The following DRC8 variants were observed in gnomAD, a reference collection of about 807,000 sequenced individuals.
DRC8 encodes the protein dynein regulatory complex protein 8.
the DRC8 span, chr1:245,017,245 T>G: frequency 1.9e-6 from 3 of 1,604,852 alleles, no homozygotes; most frequent in Non-Finnish European, 2.5e-6. Context: ...TTTGCAGAGA[T>G]AATAGTAGCA....
At chr1:244,992,684 G>A in the DRC8 span, among the ~76,000 whole-genome samples, 1 of 152,158 alleles carries the variant, frequency 6.6e-6, no homozygotes, top group Non-Finnish European at 1.5e-5. Flanking sequence ...AGGTTGCAGT[G>A]AGCCGAGATT....
chr1:244,993,942 A>G, the DRC8 span, among the ~76,000 whole-genome samples: 4 of 140,614 alleles, frequency 2.8e-5, no homozygotes, highest in East Asian at 8.3e-4. Flanking sequence ...CTTTGGGGAT[A>G]CATTTTTTTT....
chr1:244,976,305 A>G, the DRC8 span, among the ~76,000 whole-genome samples: 1 of 81,588 alleles, frequency 1.2e-5, no homozygotes, highest in African/African-American at 3.0e-5. Context: ...GAGTTAAGAA[A>G]ACTTTTAAGT....
the DRC8 span, chr1:244,969,841 T>G: frequency 2.6e-6 from 1 of 388,712 alleles, no homozygotes. Flanking sequence ...GGCGCGGCCG[T>G]TCTGCAGCAG....
the DRC8 span, among the ~76,000 whole-genome samples, chr1:245,037,572 G>C: frequency 6.6e-6 from 1 of 152,082 alleles, no homozygotes; most frequent in Non-Finnish European, 1.5e-5. Context: ...ATAAGATAAA[G>C]ATATCCGCAT....
chr1:245,110,865 GA>G, the DRC8 span, among the ~76,000 whole-genome samples: 1 of 152,204 alleles, frequency 6.6e-6, no homozygotes, highest in East Asian at 1.9e-4. Flanking sequence ...CCAACAGCCA[GA>G]AGGGTTTGCT....
chr1:244,994,919 C>G, the DRC8 span, among the ~76,000 whole-genome samples: 1 of 152,146 alleles, frequency 6.6e-6, no homozygotes, highest in Non-Finnish European at 1.5e-5. Context: ...TAAATTTGAT[C>G]TTTAAGAAGC....
chr1:245,095,619 T>C, the DRC8 span, among the ~76,000 whole-genome samples: 1 of 152,134 alleles, frequency 6.6e-6, no homozygotes, highest in Non-Finnish European at 1.5e-5. Context: ...AGCCTCGAAC[T>C]CCTGGCCTCA....
chr1:245,102,516 G>A, the DRC8 span, among the ~76,000 whole-genome samples: 71 of 152,212 alleles, frequency 4.7e-4, no homozygotes, highest in African/African-American at 1.7e-3. Flanking sequence ...CTCCTGGCTA[G>A]TTTTTGTATC....
the DRC8 span, among the ~76,000 whole-genome samples, chr1:245,084,063 C>A: frequency 3.8e-5 from 1 of 26,250 alleles, no homozygotes; most frequent in Non-Finnish European, 1.0e-4. Context: ...AAAAATTCCG[C>A]CCCCCCCCCG....
chr1:245,088,037 C>CAA, the DRC8 span, among the ~76,000 whole-genome samples: 2 of 152,150 alleles, frequency 1.3e-5, no homozygotes, highest in African/African-American at 4.8e-5. This position sits in a 1 kb window ranked among gnomAD's most constrained non-coding sequence, Gnocchi z 4.6. Flanking sequence ...TTAGAATTCT[C>CAA]ACCCACTCCG....
At chr1:245,011,151 G>A in the DRC8 span, among the ~76,000 whole-genome samples, 1 of 152,080 alleles carries the variant, frequency 6.6e-6, no homozygotes, top group Non-Finnish European at 1.5e-5. Context: ...TAGCCTGAAG[G>A]TAATTTTATG....
the DRC8 span, among the ~76,000 whole-genome samples, chr1:245,080,801 A>G: frequency 6.6e-6 from 1 of 152,164 alleles, no homozygotes; most frequent in Non-Finnish European, 1.5e-5. Context: ...TGAGACCGTC[A>G]CTGATTTCCC....
At chr1:245,010,310 A>G in the DRC8 span, among the ~76,000 whole-genome samples, 1 of 152,220 alleles carries the variant, frequency 6.6e-6, no homozygotes, top group Non-Finnish European at 1.5e-5. Flanking sequence ...AGTTTGAAGT[A>G]GTTGCACACT....
At chr1:245,071,415 A>G in the DRC8 span, among the ~76,000 whole-genome samples, 1 of 152,244 alleles carries the variant, frequency 6.6e-6, no homozygotes, top group African/African-American at 2.4e-5. Context: ...GGTCACAGAC[A>G]TAAATGAGGG....
the DRC8 span, among the ~76,000 whole-genome samples, chr1:245,102,520 TTG>T: frequency 5.3e-5 from 8 of 152,194 alleles, no homozygotes; most frequent in Admixed American, 4.6e-4. Context: ...TGGCTAGTTT[TTG>T]TATCTTTAGT....
At chr1:244,977,137 GA>G in the DRC8 span, among the ~76,000 whole-genome samples, 1 of 152,294 alleles carries the variant, frequency 6.6e-6, no homozygotes. Flanking sequence ...GCTGTGGGGA[GA>G]GGAGAATGGG....
the DRC8 span, among the ~76,000 whole-genome samples, chr1:245,112,710 A>G: frequency 6.6e-6 from 1 of 151,804 alleles, no homozygotes; most frequent in Non-Finnish European, 1.5e-5. Context: ...CCAAATGGAA[A>G]TTCCATACTC....
chr1:245,010,774 C>T, the DRC8 span, among the ~76,000 whole-genome samples: 16 of 149,360 alleles, frequency 1.1e-4, no homozygotes, highest in East Asian at 2.0e-4. Flanking sequence ...CTCTGCCTTC[C>T]GGGTTCACGC....
Sources: gnomAD v4.1 joint callset for allele counts (sites outside exome capture counted in the v4.1 genomes callset) on GRCh38, gnomAD v4.1.1 for gene constraint, Gnocchi (gnomAD v3.1) non-coding constraint, MANE v1.5 for transcripts, NCBI Gene and HGNC (gene_info 2026-07-23, HGNC 2026-07-21) for gene names.